Variants in SCHIP1 observed in about 807,000 individuals in gnomAD.
SCHIP1 encodes the protein schwannomin interacting protein 1, also known as schwannomin-interacting protein 1.
Under a neutral mutation model 29.7 loss-of-function variants are expected in SCHIP1, and 8 were observed. The observed-to-expected ratio is 0.27, with a 90% CI of 0.16 to 0.49. The LOEUF is 0.49. SCHIP1 is among the 20% of genes least tolerant of loss of function. The pLI is 0.99. For synonymous variants in SCHIP1, 76 were observed against 94.9 expected (o/e 0.80, Z 1.16); for missense variants, 193 against 294.6 (o/e 0.66, Z 2.52).
chr3:159,649,633 A>G, the SCHIP1 span, among the ~76,000 whole-genome samples: 1 of 152,210 alleles, frequency 6.6e-6, no homozygotes, highest in Non-Finnish European at 1.5e-5. Context: ...GTGGAAAAGA[A>G]CTTAGGCCAA....
At chr3:159,828,303 A>G in the SCHIP1 span, among the ~76,000 whole-genome samples, 4 of 149,822 alleles carry the variant, frequency 2.7e-5, no homozygotes, top group East Asian at 7.8e-4. Context: ...TATCAACTCT[A>G]GAACCATCAA....
At chr3:159,840,298 C>G in intron 1 of SCHIP1, 1 of 1,233,006 alleles carries the variant, frequency 8.1e-7, no homozygotes, top group South Asian at 1.3e-5. Context: ...TGCCTCTTTC[C>G]GGATATTCAG....
the SCHIP1 span, among the ~76,000 whole-genome samples, chr3:159,395,603 G>A: frequency 1.3e-5 from 2 of 152,102 alleles, no homozygotes; most frequent in Admixed American, 6.5e-5. Flanking sequence ...GGAGCTGGTT[G>A]TTCAGTTTCC....
chr3:159,372,545 A>C, the SCHIP1 span, among the ~76,000 whole-genome samples: 1 of 152,088 alleles, frequency 6.6e-6, no homozygotes, highest in African/African-American at 2.4e-5. Context: ...TACATTTTAT[A>C]ATGTATTTAA....
chr3:159,803,329 C>T, the SCHIP1 span, among the ~76,000 whole-genome samples: 2 of 152,118 alleles, frequency 1.3e-5, no homozygotes, highest in African/African-American at 4.8e-5. Flanking sequence ...TACTTCCATT[C>T]CAGCCTCTAT....
intron 1 of SCHIP1, among the ~76,000 whole-genome samples, chr3:159,840,891 A>C (rs1284105168): frequency 1.3e-5 from 2 of 152,276 alleles, no homozygotes; most frequent in African/African-American, 4.8e-5. Context: ...CAATTTCAAA[A>C]GATCAGCTCT....
At chr3:159,354,783 G>GAAAGAAACATAGCATTTGTTTCAC in the SCHIP1 span, among the ~76,000 whole-genome samples, 1 of 148,710 alleles carries the variant, frequency 6.7e-6, no homozygotes, top group Non-Finnish European at 1.5e-5. Context: ...CTACTTATAA[G>GAAAGAAACATAGCATTTGTTTCAC]AAAGAAACAT....
At chr3:159,326,074 T>C in the SCHIP1 span, among the ~76,000 whole-genome samples, 9 of 152,096 alleles carry the variant, frequency 5.9e-5, no homozygotes, top group Non-Finnish European at 1.3e-4. Context: ...ATACTGTTAT[T>C]CCCATTTTAA....
chr3:159,876,169 C>T (rs1715783564), intron 2 of SCHIP1, among the ~76,000 whole-genome samples: 1 of 152,172 alleles, frequency 6.6e-6, no homozygotes, highest in African/African-American at 2.4e-5. Flanking sequence ...GCTTCTGTCA[C>T]CAGAGACAAT....
At chr3:159,587,421 T>C in the SCHIP1 span, among the ~76,000 whole-genome samples, 1 of 152,118 alleles carries the variant, frequency 6.6e-6, no homozygotes, top group South Asian at 2.1e-4. Flanking sequence ...AGGCAATCAC[T>C]GCTAACATTT....
the SCHIP1 span, among the ~76,000 whole-genome samples, chr3:159,556,766 T>G: frequency 2.4e-5 from 2 of 84,932 alleles, no homozygotes; most frequent in African/African-American, 4.7e-5. Flanking sequence ...TGGGGACTGT[T>G]GTGGGGTGGG....
chr3:159,443,611 C>T, the SCHIP1 span, among the ~76,000 whole-genome samples: 5 of 152,036 alleles, frequency 3.3e-5, no homozygotes, highest in South Asian at 2.1e-4. Context: ...GGGGTTCAAG[C>T]GATTCTCCTG....
At chr3:159,686,749 T>C in the SCHIP1 span, among the ~76,000 whole-genome samples, 1 of 152,210 alleles carries the variant, frequency 6.6e-6, no homozygotes, top group South Asian at 2.1e-4. Context: ...TTTCTGCTGA[T>C]AATGGAAATT....
upstream of SCHIP1, among the ~76,000 whole-genome samples, chr3:159,836,395 G>A (rs1743661765): frequency 6.6e-6 from 1 of 152,146 alleles, no homozygotes; most frequent in African/African-American, 2.4e-5. Flanking sequence ...TCACCCTCAT[G>A]ACCTAATCAC....
the SCHIP1 span, among the ~76,000 whole-genome samples, chr3:159,340,619 C>G: frequency 1.3e-5 from 2 of 152,114 alleles, no homozygotes; most frequent in Non-Finnish European, 2.9e-5. Context: ...CATCTGTTCA[C>G]TCATATGTCC....
chr3:159,706,245 A>G, the SCHIP1 span, among the ~76,000 whole-genome samples: 12 of 152,138 alleles, frequency 7.9e-5, no homozygotes, highest in African/African-American at 2.9e-4. Context: ...ACTGCCCCAT[A>G]TGAATATCCC....
At chr3:159,369,514 G>C in the SCHIP1 span, among the ~76,000 whole-genome samples, 1 of 151,910 alleles carries the variant, frequency 6.6e-6, no homozygotes. Flanking sequence ...TCTCAATTTG[G>C]GGGGGGAATA....
intron 2 of SCHIP1, among the ~76,000 whole-genome samples, chr3:159,871,778 A>G (rs374499208): frequency 2.0e-4 from 30 of 147,664 alleles, no homozygotes; most frequent in African/African-American, 7.3e-4. Flanking sequence ...TGATTTCAGT[A>G]AAGCATCTCT....
chr3:159,642,785 A>C, the SCHIP1 span, among the ~76,000 whole-genome samples: 1 of 152,124 alleles, frequency 6.6e-6, no homozygotes. Flanking sequence ...TATAGTCAGC[A>C]AGCCAAGGAT....
Sources: allele counts gnomAD v4.1 joint callset (sites outside exome capture counted in the v4.1 genomes callset), GRCh38; gene constraint gnomAD v4.1.1; transcripts MANE v1.5; gene names NCBI Gene and HGNC (gene_info 2026-07-23, HGNC 2026-07-21).